The following WWC2 variants were observed in gnomAD, a reference collection of about 807,000 sequenced individuals.
The protein encoded by WWC2 is WW and C2 domain containing 2, also known as protein WWC2.
WWC2 carries 101 observed loss-of-function variants against 138.5 expected under a neutral mutation model. The ratio of observed to expected loss-of-function variants is 0.73; its 90% CI spans 0.62 to 0.86. WWC2 has a LOEUF of 0.86. Among genes scored for constraint, WWC2 ranks in the 40% least tolerant of loss-of-function variants. WWC2 has a pLI of 0.00. For missense variants in WWC2, 1,420 were observed against 1,419.4 expected, an observed-to-expected ratio of 1.00 and a Z score of -0.01; for synonymous variants, 558 against 538.4, an observed-to-expected ratio of 1.04 and a Z score of -0.50.
chr4:183,253,894 A>G lies in WWC2; in HGVS notation c.1091A>G (p.Gln364Arg), dbSNP rs752148655. 6.2e-7 allele frequency: 1 copy of G among 1,613,944 alleles called. No individual in the cohort carries two copies. The highest frequency in any genetic ancestry group is 8.5e-7 in the Non-Finnish European group (1 of 1,179,856). The change falls in exon 9 of 23, where the codon CAG becomes CGG. Residue 364 changes from glutamine to arginine, a missense_variant. By Grantham distance (43) the Gln-to-Arg change is conservative (BLOSUM62 1). Coordinates refer to ENST00000403733, the MANE Select transcript of WWC2 (RefSeq NM_024949.6). The part of the protein sequence containing the change: ...LLKELQFVTP[Q>R]KRTQDELERL... ...AAAGAGCTTCAGTTCGTCACCCCAC[A>G]GAAACGTACCCAAGATGAATTAGAA...
chr4:183,228,931 A>G (rs992230486), intron 4 of WWC2, among the ~76,000 whole-genome samples: 1 of 152,138 alleles, frequency 6.6e-6, no homozygotes, highest in African/African-American at 2.4e-5. Flanking sequence ...GCAGCAGCAC[A>G]GTGTTGAGTG....
intron 1 of WWC2, among the ~76,000 whole-genome samples, chr4:183,154,801 A>G (rs1460518418): frequency 6.6e-6 from 1 of 152,172 alleles, no homozygotes; most frequent in Non-Finnish European, 1.5e-5. Flanking sequence ...CGTATAGCCA[A>G]TGACAGTATG....
chr4:183,132,737 G>A (rs1732966930), intron 1 of WWC2, among the ~76,000 whole-genome samples: 1 of 152,134 alleles, frequency 6.6e-6, no homozygotes, highest in East Asian at 1.9e-4. Context: ...ACAGGCGTGA[G>A]CCACCGCGCC....
At position 183,289,525 on chromosome 4, in the gene WWC2, G is replaced by A; in HGVS notation, c.3274G>A (p.Asp1092Asn). 2 of 1,613,996 alleles carry A rather than the reference G, an allele frequency of 1.2e-6. No individual in the cohort carries two copies. The highest frequency in any genetic ancestry group is 1.7e-6 in the Non-Finnish European group (2 of 1,179,880). ...RLNDELQALR[D>N]LRQKLEELKA... Reference sequence around the variant, plus strand: ...CAATGATGAGCTGCAGGCGCTGAGGGACTTGCGGCAGAAGCTGGAGGAACT... The same window carrying A: ...CAATGATGAGCTGCAGGCGCTGAGGAACTTGCGGCAGAAGCTGGAGGAACT... The change falls in exon 21 of 23, where the codon GAC becomes AAC. Residue 1092 changes from aspartate to asparagine, a missense_variant. Asp to Asn is a conservative substitution (Grantham distance 23). Coordinates refer to ENST00000403733, the MANE Select transcript of WWC2 (RefSeq NM_024949.6).
chr4:183,295,199 G>T (rs1338293658), intron 21 of WWC2, among the ~76,000 whole-genome samples: 1 of 152,224 alleles, frequency 6.6e-6, no homozygotes, highest in Non-Finnish European at 1.5e-5. Context: ...TCAGCCTGGA[G>T]TGTAAACTCC....
At position 183,261,570 on chromosome 4, in the gene WWC2, G is replaced by A. The variant is rs1289766594; in HGVS notation, c.1909+38G>A. On this transcript the variant is annotated intron_variant, in intron 11 of 22. Coordinates refer to ENST00000403733, the MANE Select transcript of WWC2 (RefSeq NM_024949.6). ...CTTTGCTTTCATGTATTCCCTGTTA[G>A]TGATTTTAAGGAGAATGATTGGAGC... 5 of 1,565,420 alleles carry A rather than the reference G, an allele frequency of 3.2e-6. No homozygotes were observed. In the East Asian group the frequency reaches 6.8e-5, roughly 21 times the overall value.
chr4:183,273,029 C>T (rs1350244083), intron 16 of WWC2, among the ~76,000 whole-genome samples: 3 of 152,168 alleles, frequency 2.0e-5, no homozygotes, highest in Non-Finnish European at 4.4e-5. Flanking sequence ...AACAGCCAAA[C>T]TGTTCCTAGG....
Position 183,314,850 on chromosome 4 carries a change from ACTC to A in WWC2, c.3513-807_3513-805del, listed in dbSNP as rs139926231. On this transcript the variant is annotated intron_variant, in intron 22 of 22. Coordinates refer to ENST00000403733, the MANE Select transcript of WWC2 (RefSeq NM_024949.6). Reference sequence around the variant, plus strand: ...TCGTTCCAGTGTCCATAGTGTTCTCACTCCTCCTTTTCTTCTCTATCCTTTCTT... The same window carrying A: ...TCGTTCCAGTGTCCATAGTGTTCTCACTCCTTTTCTTCTCTATCCTTTCTT... Among the ~76,000 whole-genome samples the A allele has an allele frequency of 2.6e-3, 394 of 151,676 alleles. 2 individuals carry two copies. Among genetic ancestry groups the A allele is most frequent in the African/African-American group, 8.7e-3 (358 of 41,346 alleles).
intron 1 of WWC2, among the ~76,000 whole-genome samples, chr4:183,190,730 T>C (rs1201050155): frequency 6.6e-6 from 1 of 152,206 alleles, no homozygotes; most frequent in Non-Finnish European, 1.5e-5. Context: ...CCTGTAGATG[T>C]AATTGTAGTC....
intron 4 of WWC2, among the ~76,000 whole-genome samples, chr4:183,229,106 A>G (rs575006155): frequency 6.6e-6 from 1 of 152,198 alleles, no homozygotes; most frequent in Non-Finnish European, 1.5e-5. Context: ...TAGGATTCTG[A>G]TAATGTGTTG....
At position 183,319,110 on chromosome 4, in the gene WWC2, G is replaced by A. The variant is rs751805036; in HGVS notation, c.*3381G>A. On this transcript the variant is annotated 3_prime_UTR_variant, in exon 23 of 23. Transcript: ENST00000403733. ...ACCTTTCACCTCTGAAGCTTCTAAAGAGCTAGTAATTATTTTATATAATAA... is the reference window on the plus strand; with the variant it reads ...ACCTTTCACCTCTGAAGCTTCTAAAAAGCTAGTAATTATTTTATATAATAA... 6.3e-6 allele frequency: 1 copy of A among 159,250 alleles called. No homozygotes were observed. The highest frequency in any genetic ancestry group is 1.4e-5 in the Non-Finnish European group (1 of 71,960). 9.9% of individuals were successfully genotyped at this position (159,250 alleles called of 1,614,324 possible). A position where few individuals can be genotyped will look rare whatever the true frequency, so the allele number is the denominator to read the frequency against.
At chr4:183,137,327 T>C (rs1390494982) in intron 1 of WWC2, among the ~76,000 whole-genome samples, 2 of 152,206 alleles carry the variant, frequency 1.3e-5, no homozygotes, top group Non-Finnish European at 2.9e-5. Flanking sequence ...TGTTCAAAAA[T>C]ATCTTTTCTT....
At chr4:183,133,234 A>G (rs1391485438) in intron 1 of WWC2, among the ~76,000 whole-genome samples, 2 of 139,918 alleles carry the variant, frequency 1.4e-5, no homozygotes, top group Admixed American at 1.5e-4. Context: ...GGCTTACTAC[A>G]GCCTTCAACT....
chr4:183,160,697 G>A (rs886466826), intron 1 of WWC2, among the ~76,000 whole-genome samples: 1 of 152,180 alleles, frequency 6.6e-6, no homozygotes, highest in South Asian at 2.1e-4. Context: ...CACTGAGATT[G>A]AGGAAGAAAT....
At chr4:183,170,316 G>A (rs1049084703) in intron 1 of WWC2, among the ~76,000 whole-genome samples, 10 of 152,108 alleles carry the variant, frequency 6.6e-5, no homozygotes, top group African/African-American at 1.9e-4. Context: ...ACTGAGGCTC[G>A]AAGTGTATAA....
rs780345764 is a variant in WWC2 at position 183,319,651 on chromosome 4, T to C, written c.*3922T>C. The C allele has an allele frequency of 2.9e-5, 46 of 1,614,006 alleles. 2 individuals carry two copies. The African/African-American group carries it at 4.9e-4, about 17-fold the overall frequency. ...TGGCCCGAAGCTAGGGGAGCGTGGC[T>C]GGAGCAGGCTGCACAGTGGAGCAGA... On this transcript the variant is annotated 3_prime_UTR_variant, in exon 23 of 23. Transcript: ENST00000403733.
intron 4 of WWC2, among the ~76,000 whole-genome samples, chr4:183,224,797 G>C (rs1287879901): frequency 6.6e-6 from 1 of 152,198 alleles, no homozygotes; most frequent in Non-Finnish European, 1.5e-5. Context: ...CTGACCTCAA[G>C]TGATCTGCCT....
chr4:183,156,751 T>C (rs1733817278), intron 1 of WWC2, among the ~76,000 whole-genome samples: 1 of 152,222 alleles, frequency 6.6e-6, no homozygotes, highest in Non-Finnish European at 1.5e-5. Flanking sequence ...TATCTTTTGC[T>C]CTTTTTTCTT....
At chr4:183,252,036 G>A (rs1736996130) in intron 8 of WWC2, among the ~76,000 whole-genome samples, 1 of 152,142 alleles carries the variant, frequency 6.6e-6, no homozygotes, top group Admixed American at 6.5e-5. Flanking sequence ...AGTGCAGATG[G>A]GGGGAGAAAA....
Sources: gnomAD v4.1 joint callset for allele counts (sites outside exome capture counted in the v4.1 genomes callset) on GRCh38, gnomAD v4.1.1 for gene constraint, MANE v1.5 for transcripts, NCBI Gene and HGNC (gene_info 2026-07-23, HGNC 2026-07-21) for gene names.